The following PLCB1 variants were observed in gnomAD, a reference collection of about 807,000 sequenced individuals.
PLCB1 encodes the protein phospholipase C beta 1, also known as 1-phosphatidylinositol 4,5-bisphosphate phosphodiesterase beta-1.
A neutral mutation model predicts 161.8 loss-of-function variants in PLCB1; 46 were observed. The observed-to-expected ratio is 0.28, with a 90% CI of 0.22 to 0.36. PLCB1 has a LOEUF of 0.36. PLCB1 is among the 10% of genes least tolerant of loss of function. The pLI is 1.00. For missense variants in PLCB1, 1,016 were observed against 1,472.5 expected (o/e 0.69, Z 5.07); for synonymous variants, 517 against 503.7 (o/e 1.03, Z -0.35).
At chr20:8,827,867 C>A (rs554104669) in intron 31 of PLCB1, among the ~76,000 whole-genome samples, 1 of 152,348 alleles carries the variant, frequency 6.6e-6, no homozygotes, top group Non-Finnish European at 1.5e-5. Flanking sequence ...TGAGCACAGC[C>A]ATGTGCATTC....
chr20:8,700,085 A>G (rs1990664776), intron 11 of PLCB1, among the ~76,000 whole-genome samples: 1 of 152,208 alleles, frequency 6.6e-6, no homozygotes, highest in East Asian at 1.9e-4. Context: ...AAGTGGAGAC[A>G]GGTTACCCCC....
chr20:8,733,390 A>G lies in PLCB1; in HGVS notation c.2041A>G (p.Lys681Glu). 1 of 1,613,642 alleles carries G rather than the reference A, an allele frequency of 6.2e-7. No homozygotes were observed. Among genetic ancestry groups the G allele is most frequent in the Non-Finnish European group, 8.5e-7 (1 of 1,179,594 alleles). ...DGIVANTLSV[K>E]IISGQFLSDK... ...GATAGTGGCAAACACTTTGTCTGTT[A>G]AGGTAGGTATACCCCATCACAAAAT... Residue 681 changes from lysine (K) to glutamate (E), a missense_variant and splice_region_variant, in exon 19 of 32, where the codon AAG becomes GAG. Physicochemically the swap from Lys to Glu is moderately conservative, Grantham distance 56. Around this residue, in one of 10 missense-constraint regions of PLCB1, gnomAD observed 67 missense variants for 195.6 expected, o/e 0.34. Coordinates refer to ENST00000338037, the MANE Select transcript of PLCB1 (RefSeq NM_015192.4).
chr20:8,449,339 A>G (rs1980971197), intron 3 of PLCB1, among the ~76,000 whole-genome samples: 1 of 152,202 alleles, frequency 6.6e-6, no homozygotes, highest in Non-Finnish European at 1.5e-5. Context: ...TCTGTAGCAG[A>G]CGCTGGTGAT....
At chr20:8,252,133 A>C (rs1981173938) in intron 2 of PLCB1, among the ~76,000 whole-genome samples, 1 of 152,040 alleles carries the variant, frequency 6.6e-6, no homozygotes, top group East Asian at 1.9e-4. Context: ...ATAGAAAGGA[A>C]AGAAAAGCAG....
chr20:8,792,753 G>A, intron 31 of PLCB1: 1 of 396,338 alleles, frequency 2.5e-6, no homozygotes, highest in South Asian at 2.0e-5. Context: ...CCTTAAAGCT[G>A]TGATTTTATT....
At chr20:8,413,131 T>A (rs980487723) in intron 3 of PLCB1, among the ~76,000 whole-genome samples, 1 of 152,202 alleles carries the variant, frequency 6.6e-6, no homozygotes, top group African/African-American at 2.4e-5. Flanking sequence ...CACCTTGGAA[T>A]TTTCTAGAAA....
chr20:8,867,239 A>G (rs567362322), intron 31 of PLCB1, among the ~76,000 whole-genome samples: 14 of 152,298 alleles, frequency 9.2e-5, no homozygotes, highest in African/African-American at 3.4e-4. Context: ...GCATGCACCA[A>G]TGAGGAGACT....
chr20:8,337,446 G>T (rs1356043861), intron 2 of PLCB1, among the ~76,000 whole-genome samples: 1 of 152,096 alleles, frequency 6.6e-6, no homozygotes, highest in African/African-American at 2.4e-5. Flanking sequence ...TACCATTATG[G>T]TACCATCTTT....
Position 8,229,446 on chromosome 20 carries a change from C to T in PLCB1, c.177+79075C>T, listed in dbSNP as rs117965603. On this transcript the variant is annotated intron_variant, in intron 2 of 31. Coordinates refer to ENST00000338037, the MANE Select transcript of PLCB1 (RefSeq NM_015192.4). The stretch of plus-strand genomic sequence containing the variant: ...TTCAGGTAGCACTGATATAGATCCA[C>T]AGTCCAATACTATAGCCAGTACTCA... Among the ~76,000 whole-genome samples, 1,506 of 152,228 alleles carry T rather than the reference C, an allele frequency of 9.9e-3. 14 individuals are homozygous for T. Among genetic ancestry groups the T allele is most frequent in the Non-Finnish European group, 0.018 (1,197 of 68,008 alleles).
At chr20:8,570,744 C>T (rs1986481411) in intron 3 of PLCB1, among the ~76,000 whole-genome samples, 1 of 152,170 alleles carries the variant, frequency 6.6e-6, no homozygotes, top group Non-Finnish European at 1.5e-5. Flanking sequence ...CAAATGAGTT[C>T]ATGATCAGGA....
chr20:8,224,267 A>G (rs911614449), intron 2 of PLCB1, among the ~76,000 whole-genome samples: 1 of 152,144 alleles, frequency 6.6e-6, no homozygotes, highest in African/African-American at 2.4e-5. Context: ...TTTTTCTATA[A>G]ATTAAAAATG....
intron 31 of PLCB1, chr20:8,792,446 A>G (rs561101160): frequency 4.9e-6 from 2 of 407,680 alleles, no homozygotes; most frequent in Admixed American, 6.0e-5. Context: ...GCAACTGGGT[A>G]GACAGGTTAC....
chr20:8,197,791 A>C (rs2052042052), intron 2 of PLCB1, among the ~76,000 whole-genome samples: 1 of 152,112 alleles, frequency 6.6e-6, no homozygotes, highest in South Asian at 2.1e-4. Flanking sequence ...TTATGGTTTT[A>C]GGTCTAACAT....
At chr20:8,881,504 T>C in intron 31 of PLCB1, 118 bp from the exon 32 acceptor site, 1 of 748,734 alleles carries the variant, frequency 1.3e-6, no homozygotes, top group Admixed American at 2.3e-5. Context: ...CAGTGAATGA[T>C]ATTTTAAGTT....
At chr20:8,542,945 C>T (rs1265278649) in intron 3 of PLCB1, among the ~76,000 whole-genome samples, 1 of 152,146 alleles carries the variant, frequency 6.6e-6, no homozygotes, top group Non-Finnish European at 1.5e-5. Context: ...ATGTATTGCA[C>T]AGCTATTAAT....
At chr20:8,505,928 A>G (rs1983619980) in intron 3 of PLCB1, among the ~76,000 whole-genome samples, 1 of 152,194 alleles carries the variant, frequency 6.6e-6, no homozygotes, top group African/African-American at 2.4e-5. Flanking sequence ...CTGGGAAAGC[A>G]CTGTTTTCAC....
chr20:8,150,484 T>G, intron 2 of PLCB1, 113 bp downstream of exon 2: 1 of 504,200 alleles, frequency 2.0e-6, no homozygotes, highest in South Asian at 3.8e-5. Context: ...TTGCAGTTTA[T>G]TTAAAGGTTC....
Position 8,134,794 on chromosome 20 carries a change from G to C in PLCB1, c.99+2044G>C, listed in dbSNP as rs78700125. Among the ~76,000 whole-genome samples the C allele has an allele frequency of 3.4e-4, 51 of 151,694 alleles. 1 individual carries two copies. In the East Asian group the frequency reaches 8.4e-3, roughly 25 times the overall value. On this transcript the variant is annotated intron_variant, in intron 1 of 31. Coordinates refer to ENST00000338037, the MANE Select transcript of PLCB1 (RefSeq NM_015192.4). ...CTCCTTCTGAGCATTGCAGCAGTGA[G>C]TTTCCAAGGAAGCCCTCCTGAAAGA...
chr20:8,269,565 A>T lies in PLCB1; in HGVS notation c.178-101817A>T, dbSNP rs73609712. ...CCGATGCAACTACCTAATGCCAGTA[A>T]AATGGAGTCGTAAAGTAATAAAGAA... On this transcript the variant is annotated intron_variant, in intron 2 of 31. Transcript: ENST00000338037. 9.0e-3 allele frequency among the ~76,000 whole-genome samples: 1,374 copies of T among 152,254 alleles called. 25 individuals are homozygous for T. Among genetic ancestry groups the T allele is most frequent in the African/African-American group, 0.032 (1,313 of 41,536 alleles).
Sources: allele counts gnomAD v4.1 joint callset (sites outside exome capture counted in the v4.1 genomes callset), GRCh38; gene constraint gnomAD v4.1.1; regional missense constraint gnomAD v4.1.1; transcripts MANE v1.5; gene names NCBI Gene and HGNC (gene_info 2026-07-23, HGNC 2026-07-21).